Variants in LNX1 observed in about 807,000 individuals in gnomAD.
LNX1 encodes the protein E3 ubiquitin-protein ligase LNX.
A neutral mutation model predicts 68.4 loss-of-function variants in LNX1; 54 were observed. The ratio of observed to expected loss-of-function variants is 0.79; its 90% CI spans 0.63 to 0.99. LNX1 has a LOEUF of 0.99. Ranked by LOEUF, LNX1 falls within the 50% of genes least tolerant of loss-of-function variation. LNX1 has a pLI of 0.00. For synonymous variants in LNX1, 336 were observed against 350.0 expected (o/e 0.96, Z 0.45); for missense variants, 906 against 926.4 (o/e 0.98, Z 0.29).
At chr4:53,526,930 G>A (rs1727649726) in intron 2 of LNX1, among the ~76,000 whole-genome samples, 1 of 151,462 alleles carries the variant, frequency 6.6e-6, no homozygotes, top group Non-Finnish European at 1.5e-5. Context: ...ATTCTTCTTT[G>A]TAAGAGACAC....
At chr4:53,567,786 A>C (rs970839332) in intron 2 of LNX1, among the ~76,000 whole-genome samples, 7 of 152,218 alleles carry the variant, frequency 4.6e-5, no homozygotes, top group African/African-American at 1.7e-4. Context: ...AGAATCAAAT[A>C]GATGCAATAA....
At chr4:53,582,111 G>C (rs1440069277) in intron 1 of LNX1, among the ~76,000 whole-genome samples, 1 of 104,574 alleles carries the variant, frequency 9.6e-6, no homozygotes, top group Non-Finnish European at 2.1e-5. Flanking sequence ...TATCAAAACT[G>C]TGGTTTGGAT....
rs535127429 is a variant in LNX1, at chr4:53,642,080, G to T, written c.-215+10088C>A. Among the ~76,000 whole-genome samples, 201 of 152,152 alleles carry T rather than the reference G, an allele frequency of 1.3e-3. 3 individuals carry two copies. The highest frequency in any genetic ancestry group is 4.2e-3 in the Admixed American group (64 of 15,284). On this transcript the variant is annotated intron_variant, in intron 1 of 2. Coordinates refer to the LNX1 transcript ENST00000507168. ...CTACAAAAAATAAAAACATCAGCCA[G>T]GTTTGGTGGTACACGCCTGTGATCC... is the stretch of plus-strand genomic sequence containing the variant.
chr4:53,648,866 G>T (rs139317729), intron 1 of LNX1, among the ~76,000 whole-genome samples: 5 of 152,134 alleles, frequency 3.3e-5, no homozygotes, highest in Non-Finnish European at 5.9e-5. Flanking sequence ...CCAGCTTTGG[G>T]GTTGTCAGGA....
intron 7 of LNX1, among the ~76,000 whole-genome samples, chr4:53,481,332 C>G (rs1283103139): frequency 6.6e-6 from 1 of 152,216 alleles, no homozygotes; most frequent in Non-Finnish European, 1.5e-5. Flanking sequence ...GGAAATCACT[C>G]ATTTCTAGGC....
intron 1 of LNX1, among the ~76,000 whole-genome samples, chr4:53,589,139 A>G (rs1732351895): frequency 6.6e-6 from 1 of 152,218 alleles, no homozygotes; most frequent in Non-Finnish European, 1.5e-5. Flanking sequence ...GCCAAGTCAG[A>G]TTACAGCAAT....
chr4:53,528,433 ATAT>A (rs1404374368), intron 2 of LNX1, among the ~76,000 whole-genome samples: 8 of 152,188 alleles, frequency 5.3e-5, no homozygotes, highest in African/African-American at 1.9e-4. Flanking sequence ...TTATCACCTC[ATAT>A]TATCACATGT....
At chr4:53,577,488 G>T (rs1246956966) in intron 1 of LNX1, among the ~76,000 whole-genome samples, 1 of 152,170 alleles carries the variant, frequency 6.6e-6, no homozygotes, top group Non-Finnish European at 1.5e-5. Context: ...ACTGTGCTGT[G>T]GAAGGCATCA....
intron 1 of LNX1, among the ~76,000 whole-genome samples, chr4:53,627,409 A>C (rs999016760): frequency 6.6e-6 from 1 of 152,194 alleles, no homozygotes; most frequent in African/African-American, 2.4e-5. Context: ...AGGGTTGAGC[A>C]ATCTTGAAAG....
chr4:53,648,231 G>A (rs1734964116), intron 1 of LNX1, among the ~76,000 whole-genome samples: 1 of 152,180 alleles, frequency 6.6e-6, no homozygotes, highest in African/African-American at 2.4e-5. Context: ...CAGTGCACAA[G>A]CATTCCAATT....
chr4:53,536,939 C>T (rs1020461371), intron 2 of LNX1, among the ~76,000 whole-genome samples: 1 of 152,178 alleles, frequency 6.6e-6, no homozygotes, highest in South Asian at 2.1e-4. Context: ...CTGTTTTTAG[C>T]AAAATCCAAA....
chr4:53,565,132 G>T (rs1730572580), intron 2 of LNX1, among the ~76,000 whole-genome samples: 1 of 152,050 alleles, frequency 6.6e-6, no homozygotes, highest in Non-Finnish European at 1.5e-5. Flanking sequence ...AGCTCGAACT[G>T]GGTGGAGCCC....
chr4:53,479,767 T>C (rs1324860976), intron 7 of LNX1, among the ~76,000 whole-genome samples: 1 of 152,230 alleles, frequency 6.6e-6, no homozygotes, highest in Non-Finnish European at 1.5e-5. Context: ...ACCTGAATAT[T>C]TCTCAAACTA....
At chr4:53,490,008 A>G (rs1357395397) in intron 6 of LNX1, among the ~76,000 whole-genome samples, 1 of 152,144 alleles carries the variant, frequency 6.6e-6, no homozygotes, top group Non-Finnish European at 1.5e-5. Context: ...AGGTATGGCA[A>G]TGCAAATAGT....
rs56165716 is a variant in LNX1, at chr4:53,501,299, T to TTGG, written c.776-2457_776-2456insCCA. 6.3e-3 allele frequency among the ~76,000 whole-genome samples: 244 copies of TTGG among 38,790 alleles called. 29 individuals are homozygous for TTGG. The highest frequency in any genetic ancestry group is 7.2e-3 in the Non-Finnish European group (103 of 14,370). 25.4% of individuals were successfully genotyped at this position (38,790 alleles called of 152,430 possible). On this transcript the variant is annotated intron_variant, in intron 4 of 10. Transcript: ENST00000263925. ...TAATAATCTTTTTTTTTTTTTTTTT[T>TTGG]GGGGGTGGGGGGACAGGATCTCACT... is the stretch of plus-strand genomic sequence containing the variant.
intron 2 of LNX1, among the ~76,000 whole-genome samples, chr4:53,518,944 TC>T (rs1197961425): frequency 6.6e-6 from 1 of 152,214 alleles, no homozygotes; most frequent in African/African-American, 2.4e-5. Flanking sequence ...AGTGAGTCTG[TC>T]ATAACGGGGT....
intron 6 of LNX1, among the ~76,000 whole-genome samples, chr4:53,492,058 A>AT (rs1264367179): frequency 3.9e-5 from 6 of 152,156 alleles, no homozygotes; most frequent in Admixed American, 6.5e-5. Flanking sequence ...AAATGCTGGG[A>AT]TTACAGGCAT....
At chr4:53,558,025 C>A in intron 2 of LNX1, 1 of 1,606,178 alleles carries the variant, frequency 6.2e-7, no homozygotes, top group Non-Finnish European at 8.5e-7. Flanking sequence ...AGGGCCCAAA[C>A]CAGCCAAGCT....
intron 2 of LNX1, among the ~76,000 whole-genome samples, chr4:53,534,710 G>C (rs915787553): frequency 1.3e-5 from 2 of 152,156 alleles, no homozygotes; most frequent in Non-Finnish European, 2.9e-5. Flanking sequence ...TTTGTCTTTG[G>C]GGGAGGATGT....
Sources: gnomAD v4.1 joint callset for allele counts (sites outside exome capture counted in the v4.1 genomes callset) on GRCh38, gnomAD v4.1.1 for gene constraint, MANE v1.5 for transcripts, NCBI Gene and HGNC (gene_info 2026-07-23, HGNC 2026-07-21) for gene names.